The following HIVEP3 variants were observed in gnomAD, a reference collection of about 807,000 sequenced individuals.
The protein encoded by HIVEP3 is transcription factor HIVEP3.
Under a neutral mutation model 152.8 loss-of-function variants are expected in HIVEP3, and 49 were observed. That is an observed-to-expected ratio of 0.32 (90% CI 0.26 to 0.41). HIVEP3 has a LOEUF of 0.41. HIVEP3 is among the 10% of genes least tolerant of loss of function. The pLI is 1.00. For synonymous variants in HIVEP3, 1,269 were observed against 1,289.0 expected (o/e 0.98, Z 0.33); for missense variants, 2,790 against 3,103.3 (o/e 0.90, Z 2.40).
At position 41,700,984 on chromosome 1, in the gene HIVEP3, T is replaced by C; in HGVS notation, c.-789A>G. 1 of 984,846 alleles carries C rather than the reference T, an allele frequency of 1.0e-6. No individual in the cohort carries two copies. The highest frequency in any genetic ancestry group is 1.2e-6 in the Non-Finnish European group (1 of 829,420). The allele number at this position is 984,846 out of a possible 1,614,324, so 61.0% of individuals were successfully genotyped here. A position where few individuals can be genotyped will look rare whatever the true frequency, so the allele number is the denominator to read the frequency against. On this transcript the variant is annotated 5_prime_UTR_variant, in exon 2 of 9. Transcript: ENST00000372583. ...GATTTCTAGAGCTTGGAGAACTGTGTTGGAGGGAGGCCTGTGGGAAGTAGA... is the reference window on the plus strand; with the variant it reads ...GATTTCTAGAGCTTGGAGAACTGTGCTGGAGGGAGGCCTGTGGGAAGTAGA...
At chr1:41,798,192 G>A (rs1367080063) in intron 1 of HIVEP3, among the ~76,000 whole-genome samples, 1 of 151,788 alleles carries the variant, frequency 6.6e-6, no homozygotes, top group African/African-American at 2.4e-5. Context: ...TAATGTAAAT[G>A]ACGAGTTAAT....
At chr1:41,775,423 C>T (rs1648634282) in intron 1 of HIVEP3, among the ~76,000 whole-genome samples, 1 of 152,222 alleles carries the variant, frequency 6.6e-6, no homozygotes, top group African/African-American at 2.4e-5. Context: ...GCCTTGCATT[C>T]TTCTTTCAGA....
intron 1 of HIVEP3, among the ~76,000 whole-genome samples, chr1:41,970,409 C>A (rs1645222407): frequency 6.6e-6 from 1 of 152,072 alleles, no homozygotes; most frequent in African/African-American, 2.4e-5. Flanking sequence ...GAGCTGGAAG[C>A]CATTATCCTC....
At chr1:41,797,220 A>G in intron 1 of HIVEP3, among the ~76,000 whole-genome samples, 1 of 152,232 alleles carries the variant, frequency 6.6e-6, no homozygotes. Flanking sequence ...CATGAAGCTA[A>G]GGAGCTTATG....
At chr1:42,012,247 G>A (rs920976636) in intron 1 of HIVEP3, among the ~76,000 whole-genome samples, 3 of 152,138 alleles carry the variant, frequency 2.0e-5, no homozygotes, top group Non-Finnish European at 4.4e-5. Context: ...CTTAAAATTG[G>A]GAGGTACCTT....
chr1:41,803,897 G>T (rs1461155435), intron 1 of HIVEP3, among the ~76,000 whole-genome samples: 2 of 152,172 alleles, frequency 1.3e-5, no homozygotes, highest in African/African-American at 4.8e-5. Context: ...TGGACATGAT[G>T]ACTAAGAACC....
chr1:41,550,033 T>A (rs933959324), intron 5 of HIVEP3, among the ~76,000 whole-genome samples: 1 of 152,242 alleles, frequency 6.6e-6, no homozygotes, highest in African/African-American at 2.4e-5. Flanking sequence ...CTTTAATCCA[T>A]CTTGAATTAA....
At chr1:41,876,936 G>A (rs1480923409) in intron 1 of HIVEP3, among the ~76,000 whole-genome samples, 1 of 152,078 alleles carries the variant, frequency 6.6e-6, no homozygotes, top group Non-Finnish European at 1.5e-5. Context: ...TACAGACGTG[G>A]GTTCAAAGCC....
At chr1:41,543,748 A>G (rs997516763) in intron 5 of HIVEP3, 2 of 152,390 alleles carry the variant, frequency 1.3e-5, no homozygotes, top group South Asian at 2.1e-4. Context: ...AAGCAAGATC[A>G]GAATAGGGAA....
chr1:41,997,749 CA>C (rs1282018066), intron 1 of HIVEP3, among the ~76,000 whole-genome samples: 1 of 152,116 alleles, frequency 6.6e-6, no homozygotes, highest in Admixed American at 6.5e-5. Context: ...AAAGAATCAC[CA>C]AATGATTAAC....
chr1:41,706,329 G>T (rs1249088819), intron 1 of HIVEP3, among the ~76,000 whole-genome samples: 1 of 152,108 alleles, frequency 6.6e-6, no homozygotes, highest in Non-Finnish European at 1.5e-5. Context: ...TTGCTCTGTT[G>T]TTCAAGCTGA....
At chr1:41,785,846 A>G (rs1649316387) in intron 1 of HIVEP3, among the ~76,000 whole-genome samples, 1 of 152,164 alleles carries the variant, frequency 6.6e-6, no homozygotes, top group Admixed American at 6.5e-5. Flanking sequence ...AAAATACAAA[A>G]TTAGCTGGGC....
chr1:41,604,277 A>T lies in HIVEP3; in HGVS notation c.-521-18959T>A, dbSNP rs150375218. ...GCCAAAAAAACTGGAAACAGCTCAA[A>T]TGCCAGCAACAAATAGAATGGATAA... On this transcript the variant is annotated intron_variant, in intron 3 of 8. Coordinates refer to ENST00000372583, the MANE Select transcript of HIVEP3 (RefSeq NM_024503.5). 8.5e-4 allele frequency among the ~76,000 whole-genome samples: 129 copies of T among 152,362 alleles called. 1 individual carries two copies. In the East Asian group the frequency reaches 0.015, roughly 18 times the overall value.
chr1:41,877,460 C>T (rs2124421749), intron 1 of HIVEP3, among the ~76,000 whole-genome samples: 1 of 152,324 alleles, frequency 6.6e-6, no homozygotes, highest in East Asian at 1.9e-4. Context: ...CAATAGAAGG[C>T]TATTTGAAGA....
chr1:41,653,242 C>CAT (rs552423191), intron 2 of HIVEP3, among the ~76,000 whole-genome samples: 121 of 151,248 alleles, frequency 8.0e-4, no homozygotes, highest in African/African-American at 2.7e-3. Flanking sequence ...ATGTACATAA[C>CAT]ATATATATAT....
At chr1:41,908,746 G>A (rs1294547334) in intron 1 of HIVEP3, among the ~76,000 whole-genome samples, 3 of 152,272 alleles carry the variant, frequency 2.0e-5, no homozygotes, top group Admixed American at 6.5e-5. Flanking sequence ...TTAGTAAGAC[G>A]TATTCAGTGA....
intron 3 of HIVEP3, among the ~76,000 whole-genome samples, chr1:41,596,997 T>C (rs1644677460): frequency 6.6e-6 from 1 of 152,148 alleles, no homozygotes; most frequent in Non-Finnish European, 1.5e-5. Flanking sequence ...CAATAATGAA[T>C]GGTGGATTTT....
chr1:41,574,487 G>T (rs943617513), intron 5 of HIVEP3, among the ~76,000 whole-genome samples: 1 of 152,104 alleles, frequency 6.6e-6, no homozygotes, highest in African/African-American at 2.4e-5. Context: ...TCTCCTGAGA[G>T]CCCCTGCTGG....
At chr1:41,538,977 C>A (rs1436011368) in intron 5 of HIVEP3, among the ~76,000 whole-genome samples, 1 of 152,150 alleles carries the variant, frequency 6.6e-6, no homozygotes, top group Non-Finnish European at 1.5e-5. Flanking sequence ...GGTCCTCCTC[C>A]CCCACCCACA....
Sources: allele counts gnomAD v4.1 joint callset (sites outside exome capture counted in the v4.1 genomes callset), GRCh38; gene constraint gnomAD v4.1.1; transcripts MANE v1.5; gene names NCBI Gene and HGNC (gene_info 2026-07-23, HGNC 2026-07-21).